Variants in PCNT observed in about 807,000 individuals in gnomAD.
PCNT encodes pericentrin, also known as kendrin.
In PCNT, 319 loss-of-function variants were observed where a neutral mutation model predicts 380.4. The observed-to-expected ratio is 0.84, with a 90% CI of 0.77 to 0.92. The LOEUF is 0.92. PCNT is among the 40% of genes least tolerant of loss of function. The probability of loss-of-function intolerance (pLI) is 0.00; values close to 1 mark genes in which losing one functional copy is unlikely to be tolerated. For missense variants in PCNT, 4,400 were observed against 4,255.3 expected (o/e 1.03, Z -0.95); for synonymous variants, 1,845 against 1,735.2 (o/e 1.06, Z -1.57).
intron 31 of PCNT, among the ~76,000 whole-genome samples, chr21:46,420,402 T>C (rs2087202767): frequency 6.6e-6 from 1 of 152,256 alleles, no homozygotes; most frequent in Non-Finnish European, 1.5e-5. Flanking sequence ...GTGTTCTGTT[T>C]CTGTGCTCAT....
intron 33 of PCNT, 98 bp downstream of exon 33, chr21:46,426,069 CTTTTTTTTTTTTT>C (rs760416456): frequency 1.1e-4 from 33 of 309,266 alleles, no homozygotes; most frequent in African/African-American, 6.4e-4. Context: ...GGATTTCTTT[CTTTTTTTTTTTTT>C]TTTTTTTTTT....
rs760534669 is a variant in PCNT at position 46,349,028 on chromosome 21, G to A, written c.1049G>A (p.Trp350Ter). 1.3e-6 allele frequency: 2 copies of A among 1,591,826 alleles called. No individual in the cohort carries two copies. Among genetic ancestry groups the A allele is most frequent in the Non-Finnish European group, 1.7e-6 (2 of 1,160,008 alleles). The change falls in exon 7 of 47, where the codon TGG becomes TAG. Residue 350 changes from tryptophan to a stop codon, truncating the protein, a stop_gained. Transcript: ENST00000359568. LOFTEE classifies it high-confidence loss of function. ...TTAAATTAGACCCTGAAGGAAGATTGGGAATCTGAAAAAGATTTATGTTTA... is the reference window on the plus strand; with the variant it reads ...TTAAATTAGACCCTGAAGGAAGATTAGGAATCTGAAAAAGATTTATGTTTA... ...AQIVKTLKEDWESEKDLCLEN... is the reference protein window; with the variant it reads ...AQIVKTLKED
At chr21:46,434,086 GT>G (rs1231223586) in intron 38 of PCNT, among the ~76,000 whole-genome samples, 1 of 152,092 alleles carries the variant, frequency 6.6e-6, no homozygotes, top group Non-Finnish European at 1.5e-5. Context: ...CCTCCAGAGT[GT>G]TTTTTACTGA....
At chr21:46,330,188 G>T (rs2083512994) in intron 2 of PCNT, among the ~76,000 whole-genome samples, 1 of 151,972 alleles carries the variant, frequency 6.6e-6, no homozygotes, top group Non-Finnish European at 1.5e-5. Context: ...CGCAATCATG[G>T]CTCATTCCAG....
At chr21:46,383,800 A>G (rs1028674908) in intron 16 of PCNT, among the ~76,000 whole-genome samples, 2 of 144,144 alleles carry the variant, frequency 1.4e-5, no homozygotes, top group African/African-American at 5.1e-5. Context: ...TCAGTGGCAG[A>G]AGCGCATTCA....
At chr21:46,424,152 G>A (rs1258633875) in intron 32 of PCNT, among the ~76,000 whole-genome samples, 2 of 152,156 alleles carry the variant, frequency 1.3e-5, no homozygotes, top group Non-Finnish European at 2.9e-5. Context: ...GAGTGTGGTC[G>A]ACGCTCTAAT....
intron 21 of PCNT, chr21:46,394,404 A>G (rs2268522): frequency 0.63 from 246,612 of 388,894 alleles, 79,016 homozygotes; most frequent in African/African-American, 0.78. Context: ...AGCGTTGCCC[A>G]GAGCCCTGCT....
At chr21:46,324,938 GTCT>G in intron 1 of PCNT, 1 of 985,366 alleles carries the variant, frequency 1.0e-6, no homozygotes, top group Non-Finnish European at 1.2e-6. Flanking sequence ...CCCGGCCGCC[GTCT>G]TCTTCCCGCG....
rs146825704 is a variant in PCNT at position 46,340,327 on chromosome 21, G to T, written c.639+5559G>T. ...GGAGCTACAAGTCAAGATGAGATTT[G>T]GGTGGGGACACAGCCCAATCATATC... On this transcript the variant is annotated intron_variant, in intron 3 of 46. Transcript: ENST00000359568. Among the ~76,000 whole-genome samples the T allele has an allele frequency of 2.0e-3, 303 of 152,284 alleles. 4 individuals carry two copies. The highest frequency in any genetic ancestry group is 9.7e-3 in the East Asian group (50 of 5,170).
Position 46,397,504 on chromosome 21 carries a change from C to G in PCNT, c.4446+10C>G. The G allele has an allele frequency of 6.2e-7, 1 of 1,602,744 alleles. No individual in the cohort carries two copies. The highest frequency in any genetic ancestry group is 8.5e-7 in the Non-Finnish European group (1 of 1,170,092). On this transcript the variant is annotated intron_variant, in intron 22 of 46. Coordinates refer to ENST00000359568, the MANE Select transcript of PCNT (RefSeq NM_006031.6). ...GCGGCAATTCATGGATGTAAGAATT[C>G]TGAATAATACATTTTTTTGCATCAC...
Position 46,349,102 on chromosome 21 carries a change from G to A in PCNT, c.1123G>A (p.Asp375Asn), listed in dbSNP as rs2084177604. ...LSAKHQSEME[D>N]LQNQFQKELA... ...TGCAAAGCATCAATCAGAAATGGAG[G>A]ATTTACAAAACCAGTTTCAGAAAGA... The change falls in exon 7 of 47, where the codon GAT (aspartate) becomes AAT (asparagine). Residue 375 changes from aspartate to asparagine, a missense_variant. Coordinates refer to ENST00000359568, the MANE Select transcript of PCNT (RefSeq NM_006031.6). The A allele has an allele frequency of 1.9e-6, 3 of 1,611,856 alleles. No individual in the cohort carries two copies. The highest frequency in any genetic ancestry group is 2.5e-6 in the Non-Finnish European group (3 of 1,177,980).
intron 2 of PCNT, 152 bp downstream of exon 2, chr21:46,326,741 C>T: frequency 4.5e-6 from 4 of 887,592 alleles, no homozygotes; most frequent in South Asian, 1.5e-5. Context: ...GGGCCGGGTG[C>T]AGTGGCTTAC....
At chr21:46,437,968 G>A (rs182634266) in intron 40 of PCNT, among the ~76,000 whole-genome samples, 196 bp from the exon 41 acceptor site, 7 of 152,318 alleles carry the variant, frequency 4.6e-5, no homozygotes, top group African/African-American at 1.2e-4. Flanking sequence ...ACAGGCCTGC[G>A]TTGTTCATAC....
chr21:46,327,434 T>C (rs1020619965), intron 2 of PCNT, among the ~76,000 whole-genome samples: 1 of 152,096 alleles, frequency 6.6e-6, no homozygotes, highest in African/African-American at 2.4e-5. Context: ...AGTGTTTTGC[T>C]GTGTTGCCCA....
chr21:46,401,091 T>C (rs937353066), intron 25 of PCNT, among the ~76,000 whole-genome samples: 3 of 152,244 alleles, frequency 2.0e-5, no homozygotes, highest in Non-Finnish European at 4.4e-5. Context: ...TCGTGAAATT[T>C]GGACTGTGTA....
intron 1 of PCNT, among the ~76,000 whole-genome samples, chr21:46,324,563 C>CG (rs1157871414): frequency 0.013 from 924 of 71,884 alleles, 10 homozygotes; most frequent in African/African-American, 0.046. Context: ...GCGCCTGCGT[C>CG]GGGGGGGGTG....
chr21:46,424,400 T>G (rs978627779), intron 32 of PCNT, among the ~76,000 whole-genome samples: 1 of 152,150 alleles, frequency 6.6e-6, no homozygotes, highest in Non-Finnish European at 1.5e-5. Flanking sequence ...GCCCTAGTGA[T>G]TGTGTCTGTG....
At chr21:46,331,029 TG>T (rs2083542859) in intron 2 of PCNT, among the ~76,000 whole-genome samples, 1 of 151,484 alleles carries the variant, frequency 6.6e-6, no homozygotes, top group African/African-American at 2.4e-5. Flanking sequence ...TGTGTGTGTT[TG>T]TGTGTGTGTG....
intron 27 of PCNT, among the ~76,000 whole-genome samples, chr21:46,405,421 G>C (rs2086593837): frequency 6.6e-6 from 1 of 152,194 alleles, no homozygotes; most frequent in Non-Finnish European, 1.5e-5. Flanking sequence ...TTTATGGCCA[G>C]GAGCGGTGGC....
Sources: gnomAD v4.1 joint callset for allele counts (sites outside exome capture counted in the v4.1 genomes callset) on GRCh38, gnomAD v4.1.1 for gene constraint, MANE v1.5 for transcripts, NCBI Gene and HGNC (gene_info 2026-07-23, HGNC 2026-07-21) for gene names.